RELN: variants seen among roughly 807,000 people sequenced by gnomAD.
RELN encodes reelin.
A neutral mutation model predicts 427.6 loss-of-function variants in RELN; 108 were observed. That is an observed-to-expected ratio of 0.25 (90% confidence interval 0.22 to 0.30). RELN has a LOEUF of 0.30. Ranked by LOEUF, RELN falls within the 10% of genes least tolerant of loss-of-function variation. RELN has a pLI of 1.00. For synonymous variants in RELN, 1,524 were observed against 1,513.4 expected, an observed-to-expected ratio of 1.01 and a Z score of -0.16; for missense variants, 3,715 against 4,302.8, an observed-to-expected ratio of 0.86 and a Z score of 3.82.
At chr7:103,752,495 G>A (rs1169378786) in intron 5 of RELN, among the ~76,000 whole-genome samples, 1 of 151,998 alleles carries the variant, frequency 6.6e-6, no homozygotes, top group Non-Finnish European at 1.5e-5. Flanking sequence ...CTGCAGCCTT[G>A]AAATCCTGGT....
At chr7:103,587,614 G>A (rs1316707850) in intron 28 of RELN, among the ~76,000 whole-genome samples, 1 of 152,028 alleles carries the variant, frequency 6.6e-6, no homozygotes, top group Non-Finnish European at 1.5e-5. Flanking sequence ...AAAAATATTT[G>A]CAACTTTTCA....
At chr7:103,933,218 T>G (rs1278441196) in intron 1 of RELN, among the ~76,000 whole-genome samples, 1 of 152,064 alleles carries the variant, frequency 6.6e-6, no homozygotes, top group African/African-American at 2.4e-5. Flanking sequence ...GTAAAACAAT[T>G]AGGAAGTGAT....
At chr7:103,735,767 T>C (rs1056235956) in intron 6 of RELN, among the ~76,000 whole-genome samples, 12 of 152,118 alleles carry the variant, frequency 7.9e-5, no homozygotes, top group Admixed American at 7.9e-4. Context: ...ATGTAATTTG[T>C]CCCCAAGACC....
At chr7:103,801,833 G>A (rs1172735534) in intron 3 of RELN, among the ~76,000 whole-genome samples, 5 of 152,090 alleles carry the variant, frequency 3.3e-5, no homozygotes, top group African/African-American at 4.8e-5. Context: ...CACTTATCCT[G>A]GCACATAGTA....
intron 8 of RELN, among the ~76,000 whole-genome samples, chr7:103,708,532 C>T (rs1003250108): frequency 1.6e-4 from 22 of 138,430 alleles, no homozygotes; most frequent in East Asian, 1.3e-3. Flanking sequence ...GGCGCGATCT[C>T]GGCTCACTGC....
intron 60 of RELN, among the ~76,000 whole-genome samples, chr7:103,488,964 C>T (rs1429724530): frequency 1.3e-5 from 2 of 152,122 alleles, no homozygotes; most frequent in Non-Finnish European, 2.9e-5. Context: ...TTGCTATCGG[C>T]CAGGTATTAA....
chr7:103,838,264 A>G (rs1793462943), intron 2 of RELN, among the ~76,000 whole-genome samples: 1 of 152,016 alleles, frequency 6.6e-6, no homozygotes, highest in East Asian at 1.9e-4. Context: ...TACAACTTAT[A>G]ATACAAATTA....
chr7:103,688,911 G>C (rs1456881372), intron 10 of RELN, among the ~76,000 whole-genome samples: 1 of 152,034 alleles, frequency 6.6e-6, no homozygotes, highest in Non-Finnish European at 1.5e-5. Flanking sequence ...TGTTAAACTA[G>C]AAAAATTGTC....
At chr7:103,878,382 A>G (rs1794532840) in intron 2 of RELN, among the ~76,000 whole-genome samples, 1 of 152,166 alleles carries the variant, frequency 6.6e-6, no homozygotes, top group African/African-American at 2.4e-5. Context: ...AATACTTACC[A>G]AATTGTGGGA....
chr7:103,971,507 G>A (rs931009492), intron 1 of RELN, among the ~76,000 whole-genome samples: 1 of 152,122 alleles, frequency 6.6e-6, no homozygotes, highest in Non-Finnish European at 1.5e-5. Context: ...AGTAATCAAA[G>A]AAGGAAAAAT....
intron 12 of RELN, among the ~76,000 whole-genome samples, chr7:103,657,557 A>T (rs575536398): frequency 4.6e-5 from 7 of 152,164 alleles, no homozygotes; most frequent in Admixed American, 1.3e-4. Context: ...GTTTTCTGTA[A>T]CTTCTCTCTG....
At chr7:103,846,642 C>T (rs1038299798) in intron 2 of RELN, among the ~76,000 whole-genome samples, 2 of 152,152 alleles carry the variant, frequency 1.3e-5, no homozygotes, top group African/African-American at 4.8e-5. Context: ...GAACAGACAA[C>T]CTACAAAGTG....
chr7:103,476,367 C>G (rs1486675081), intron 64 of RELN, among the ~76,000 whole-genome samples: 2 of 152,064 alleles, frequency 1.3e-5, no homozygotes, highest in Admixed American at 1.3e-4. Flanking sequence ...GTAGTCCCAG[C>G]TACTTGGGAG....
chr7:103,602,573 A>G (rs1462115269), intron 24 of RELN, among the ~76,000 whole-genome samples: 1 of 152,142 alleles, frequency 6.6e-6, no homozygotes, highest in African/African-American at 2.4e-5. Context: ...TAGCAAACTA[A>G]CACAAGAACA....
chr7:103,585,516 T>C (rs979238697), intron 28 of RELN, among the ~76,000 whole-genome samples: 1 of 152,050 alleles, frequency 6.6e-6, no homozygotes, highest in African/African-American at 2.4e-5. Context: ...GAAATAGAAA[T>C]TGTGAACATG....
Position 103,895,835 on chromosome 7 carries a change from A to T in RELN, c.337+21240T>A, listed in dbSNP as rs575876174. ...CAGAAAGCAATTATCATACAAGAAA[A>T]AAATGATAAATTAGAATTTATCAAA... is the stretch of plus-strand genomic sequence containing the variant. On this transcript the variant is annotated intron_variant, in intron 2 of 64. Coordinates refer to ENST00000428762, the MANE Select transcript of RELN (RefSeq NM_005045.4). Among the ~76,000 whole-genome samples the T allele has an allele frequency of 1.5e-4, 23 of 152,238 alleles. No individual in the cohort carries two copies. In the South Asian group the frequency reaches 4.1e-3, roughly 27 times the overall value.
Position 103,525,140 on chromosome 7 carries a change from C to G in RELN, c.7350-1609G>C, listed in dbSNP as rs536232557. Among the ~76,000 whole-genome samples, 9 of 152,296 alleles carry G rather than the reference C, an allele frequency of 5.9e-5. No homozygotes were observed. In the East Asian group the frequency reaches 1.7e-3, roughly 29 times the overall value. ...TCTCTTCCTCTCCCTCCCTTCCTCTCTCTCTTTCTGCCTGGTTAACCTCTG... is the reference window on the plus strand; with the variant it reads ...TCTCTTCCTCTCCCTCCCTTCCTCTGTCTCTTTCTGCCTGGTTAACCTCTG... On this transcript the variant is annotated intron_variant, in intron 46 of 64. Coordinates refer to ENST00000428762, the MANE Select transcript of RELN (RefSeq NM_005045.4).
chr7:103,695,200 CTTGGCAAAAGCAA>C (rs1169900888), intron 10 of RELN, among the ~76,000 whole-genome samples: 2 of 152,056 alleles, frequency 1.3e-5, no homozygotes, highest in Non-Finnish European at 2.9e-5. Flanking sequence ...TTCCAAATCA[CTTGGCAAAAGCAA>C]TTCTTTCATT....
chr7:103,513,202 CAACT>C lies in RELN; in HGVS notation c.8119+1979_8119+1982del, dbSNP rs541495672. 1.1e-4 allele frequency: 17 copies of C among 152,296 alleles called. No homozygotes were observed. In the East Asian group the frequency reaches 1.9e-3, roughly 17 times the overall value. 9.4% of individuals were successfully genotyped at this position (152,296 alleles called of 1,614,324 possible). On this transcript the variant is annotated intron_variant, in intron 50 of 64. Transcript: ENST00000428762. Reference sequence around the variant, plus strand: ...CTGATGAAAGAGGGCTTGCATTGCTCAACTAACTAACTCACCCGTCTCTCCTGCA... The same window carrying C: ...CTGATGAAAGAGGGCTTGCATTGCTCAACTAACTCACCCGTCTCTCCTGCA...
Sources: allele counts gnomAD v4.1 joint callset (sites outside exome capture counted in the v4.1 genomes callset), GRCh38; gene constraint gnomAD v4.1.1; transcripts MANE v1.5; gene names NCBI Gene and HGNC (gene_info 2026-07-23, HGNC 2026-07-21).